PKNOX2: variants seen among roughly 807,000 people sequenced by gnomAD.
PKNOX2 encodes the protein homeobox protein PKNOX2.
In PKNOX2, 14 loss-of-function variants were observed where a neutral mutation model predicts 53.1. The ratio of observed to expected loss-of-function variants is 0.26; its 90% CI spans 0.17 to 0.41. PKNOX2 has a LOEUF of 0.41. Among genes scored for constraint, PKNOX2 ranks in the 10% least tolerant of loss-of-function variants. The probability of loss-of-function intolerance (pLI) is 1.00; values close to 1 mark genes in which losing one functional copy is unlikely to be tolerated. For missense variants in PKNOX2, 496 were observed against 602.8 expected (o/e 0.82, Z 1.85); for synonymous variants, 257 against 242.8 (o/e 1.06, Z -0.54).
intron 7 of PKNOX2, among the ~76,000 whole-genome samples, chr11:125,399,936 C>G (rs905858592): frequency 6.6e-6 from 1 of 152,192 alleles, no homozygotes; most frequent in East Asian, 1.9e-4. Flanking sequence ...AAGGATAACG[C>G]GGACTCTGGA....
At chr11:125,323,729 T>G (rs758862681) in intron 2 of PKNOX2, among the ~76,000 whole-genome samples, 2 of 152,212 alleles carry the variant, frequency 1.3e-5, no homozygotes, top group Non-Finnish European at 2.9e-5. Context: ...CCGACTGTTT[T>G]GCAAGTGGGT....
intron 3 of PKNOX2, among the ~76,000 whole-genome samples, chr11:125,348,135 C>T (rs1420073318): frequency 6.6e-6 from 1 of 152,208 alleles, no homozygotes; most frequent in Non-Finnish European, 1.5e-5. Flanking sequence ...AAAGAGTTCC[C>T]CCACACCCCA....
chr11:125,311,591 GA>G lies in PKNOX2; in HGVS notation c.-129-20227del, dbSNP rs1338890180. Among the ~76,000 whole-genome samples, 30 of 152,340 alleles carry G rather than the reference GA, an allele frequency of 2.0e-4. 1 individual carries two copies. The highest frequency in any genetic ancestry group is 7.0e-4 in the African/African-American group (29 of 41,564). ...TGACATTTTAAGCAGTTGTGCATCA[GA>G]GATGCAGAGAAGGCTATAAATTCCT... On this transcript the variant is annotated intron_variant, in intron 2 of 12. Transcript: ENST00000298282.
intron 2 of PKNOX2, among the ~76,000 whole-genome samples, chr11:125,310,478 G>C (rs1459894758): frequency 2.0e-5 from 3 of 151,570 alleles, no homozygotes; most frequent in African/African-American, 7.3e-5. Context: ...CTGTGAGATA[G>C]AGTGAGACTC....
intron 2 of PKNOX2, among the ~76,000 whole-genome samples, chr11:125,303,404 T>C (rs1219906978): frequency 2.6e-5 from 4 of 151,840 alleles, no homozygotes; most frequent in Non-Finnish European, 5.9e-5. Flanking sequence ...TCTCCAAGCT[T>C]CTGGTCACAG....
chr11:125,200,875 T>G (rs1402750399), intron 1 of PKNOX2, among the ~76,000 whole-genome samples: 1 of 152,220 alleles, frequency 6.6e-6, no homozygotes, highest in Non-Finnish European at 1.5e-5. Context: ...GTCTCTTGCT[T>G]CTTTTCCAAA....
chr11:125,376,539 C>T (rs370814217), intron 5 of PKNOX2, among the ~76,000 whole-genome samples: 5 of 152,192 alleles, frequency 3.3e-5, no homozygotes, highest in East Asian at 1.9e-4. Context: ...CAGGTCCTTT[C>T]GTAGCAACTG....
chr11:125,401,619 T>G (rs1212877220), intron 7 of PKNOX2, among the ~76,000 whole-genome samples: 2 of 152,074 alleles, frequency 1.3e-5, no homozygotes. Flanking sequence ...ATTATTGCAC[T>G]AAGGTAGGGG....
intron 3 of PKNOX2, among the ~76,000 whole-genome samples, chr11:125,335,217 C>A (rs539478692): frequency 6.6e-6 from 1 of 152,320 alleles, no homozygotes; most frequent in African/African-American, 2.4e-5. Context: ...CCTGAACGGG[C>A]CCCCTCTGAA....
intron 2 of PKNOX2, among the ~76,000 whole-genome samples, chr11:125,292,260 G>T (rs1258542432): frequency 6.6e-6 from 1 of 152,180 alleles, no homozygotes; most frequent in Non-Finnish European, 1.5e-5. Context: ...TCCTGCATCT[G>T]CATCTGCTAC....
intron 12 of PKNOX2, 104 bp from the exon 13 acceptor site, chr11:125,431,062 A>T (rs999576917): frequency 8.2e-6 from 12 of 1,471,898 alleles, no homozygotes; most frequent in Non-Finnish European, 9.9e-6. Context: ...AAAAACAAGG[A>T]GTTCACTGCT....
chr11:125,207,902 A>G (rs1165397546), intron 1 of PKNOX2, among the ~76,000 whole-genome samples: 1 of 152,090 alleles, frequency 6.6e-6, no homozygotes, highest in East Asian at 1.9e-4. Flanking sequence ...AGGGAGACTT[A>G]ATTTAGTCAT....
intron 2 of PKNOX2, chr11:125,239,960 T>C (rs954714496): frequency 1.3e-5 from 2 of 152,252 alleles, no homozygotes; most frequent in Admixed American, 1.3e-4. Context: ...TTTCTAAATG[T>C]AGAATTTTTG....
intron 6 of PKNOX2, among the ~76,000 whole-genome samples, chr11:125,386,523 A>C (rs1953643024): frequency 6.6e-6 from 1 of 152,162 alleles, no homozygotes; most frequent in Non-Finnish European, 1.5e-5. Context: ...ATTATTAACC[A>C]CAATTCTTTA....
At chr11:125,372,794 A>G (rs955215173) in intron 5 of PKNOX2, among the ~76,000 whole-genome samples, 43 of 152,130 alleles carry the variant, frequency 2.8e-4, no homozygotes, top group African/African-American at 9.4e-4. Flanking sequence ...CACTTTCCAC[A>G]CCATGTGTCT....
rs1174171193 is a variant in PKNOX2, at chr11:125,248,993, AACAT to A, written c.-130+13884_-130+13887del. ...ATATACATATAATATATGTATATAT[AACAT>A]ACATAATATATTATATATAACTTAT... On this transcript the variant is annotated intron_variant, in intron 2 of 12. Coordinates refer to ENST00000298282, the MANE Select transcript of PKNOX2 (RefSeq NM_001382323.2). 4.2e-5 allele frequency among the ~76,000 whole-genome samples: 6 copies of A among 142,878 alleles called. No homozygotes were observed. In the East Asian group the frequency reaches 1.2e-3, roughly 28 times the overall value. 93.7% of individuals were successfully genotyped at this position (142,878 alleles called of 152,430 possible). A position where few individuals can be genotyped will look rare whatever the true frequency, so the allele number is the denominator to read the frequency against.
intron 4 of PKNOX2, among the ~76,000 whole-genome samples, chr11:125,366,864 A>G (rs1952216925): frequency 6.6e-6 from 1 of 152,248 alleles, no homozygotes; most frequent in Non-Finnish European, 1.5e-5. Context: ...AAGTATTTTT[A>G]TTAAGCATCA....
intron 2 of PKNOX2, among the ~76,000 whole-genome samples, chr11:125,236,524 G>C (rs1325592443): frequency 6.6e-6 from 1 of 152,196 alleles, no homozygotes; most frequent in Non-Finnish European, 1.5e-5. Flanking sequence ...TGAGAGCTGA[G>C]AGCGTGGGGG....
chr11:125,403,839 G>A (rs1954903542), intron 7 of PKNOX2, among the ~76,000 whole-genome samples: 2 of 152,298 alleles, frequency 1.3e-5, no homozygotes, highest in South Asian at 4.1e-4. Flanking sequence ...GAAATGAGAG[G>A]TACAAAGTTG....
Sources: allele counts gnomAD v4.1 joint callset (sites outside exome capture counted in the v4.1 genomes callset), GRCh38; gene constraint gnomAD v4.1.1; transcripts MANE v1.5; gene names NCBI Gene and HGNC (gene_info 2026-07-23, HGNC 2026-07-21).